Variants in ABHD17C observed in about 807,000 individuals in gnomAD.
ABHD17C encodes the protein abhydrolase domain containing 17C, depalmitoylase.
ABHD17C carries 11 observed loss-of-function variants against 27.9 expected under a neutral mutation model. That is an observed-to-expected ratio of 0.39 (90% CI 0.25 to 0.65). The LOEUF is 0.65. ABHD17C is among the 30% of genes least tolerant of loss of function. ABHD17C has a pLI of 0.45. For synonymous variants in ABHD17C, 233 were observed against 209.1 expected, an observed-to-expected ratio of 1.11 and a Z score of -0.98; for missense variants, 280 against 470.2, an observed-to-expected ratio of 0.60 and a Z score of 3.74.
intron 1 of ABHD17C, among the ~76,000 whole-genome samples, chr15:80,710,638 G>T (rs1894716506): frequency 6.6e-6 from 1 of 152,202 alleles, no homozygotes; most frequent in African/African-American, 2.4e-5. Context: ...GATGCAGAGT[G>T]GTGAAGGGGA....
At chr15:80,739,336 C>G (rs1372521906) in intron 1 of ABHD17C, among the ~76,000 whole-genome samples, 3 of 152,176 alleles carry the variant, frequency 2.0e-5, no homozygotes, top group African/African-American at 7.2e-5. Flanking sequence ...AGCTACTGCC[C>G]TACATGTTGA....
intron 1 of ABHD17C, among the ~76,000 whole-genome samples, chr15:80,729,221 C>T (rs1212952944): frequency 1.3e-5 from 2 of 152,132 alleles, no homozygotes; most frequent in Non-Finnish European, 2.9e-5. Flanking sequence ...AGAACCTAGC[C>T]AGCATGTATG....
rs577427711 is a variant in ABHD17C, at chr15:80,733,738, C to T, written c.591-15775C>T. Among the ~76,000 whole-genome samples the T allele has an allele frequency of 2.0e-5, 3 of 152,282 alleles. No homozygotes were observed. The East Asian group carries it at 5.8e-4, about 29-fold the overall frequency. On this transcript the variant is annotated intron_variant, in intron 1 of 2. Coordinates refer to ENST00000258884, the MANE Select transcript of ABHD17C (RefSeq NM_021214.2). ...CAAACTCACCAACCATCTGTGTCTC[C>T]TCCACTATAGCACTTGTATGAACTC...
intron 1 of ABHD17C, among the ~76,000 whole-genome samples, chr15:80,733,077 A>G (rs866757156): frequency 1.3e-4 from 20 of 152,268 alleles, no homozygotes; most frequent in South Asian, 4.1e-4. Context: ...CCACCTTTCT[A>G]TGGCCGTGGA....
Position 80,695,438 on chromosome 15 carries a change from G to A in ABHD17C, c.9G>A (p.Glu3=). MP[E]PGPRMNGFSL... ...GGCACCAGGCCGTCCCGATGCCCGA[G>A]CCAGGCCCCAGGATGAACGGCTTCT... is the stretch of plus-strand genomic sequence containing the variant. Residue 3 remains glutamate, a synonymous_variant, in exon 1 of 3, where the codon GAG becomes GAA. Coordinates refer to ENST00000258884, the MANE Select transcript of ABHD17C (RefSeq NM_021214.2). The surrounding 1 kb of genome is among the most constrained non-coding windows in gnomAD (Gnocchi z 4.3). 2 of 1,346,392 alleles carry A rather than the reference G, an allele frequency of 1.5e-6. No homozygotes were observed. Among genetic ancestry groups the A allele is most frequent in the East Asian group, 3.9e-5 (1 of 25,322 alleles). The allele number at this position is 1,346,392 out of a possible 1,614,324, so 83.4% of individuals were successfully genotyped here. A position where few individuals can be genotyped will look rare whatever the true frequency, so the allele number is the denominator to read the frequency against.
rs374453584 is a variant in ABHD17C, at chr15:80,746,154, A to G, written c.591-3359A>G. On this transcript the variant is annotated intron_variant, in intron 1 of 2. Coordinates refer to ENST00000258884, the MANE Select transcript of ABHD17C (RefSeq NM_021214.2). ...ATCTGATAAATGTGTAGAGTATCACATGATTATTTTAATTTGCATTTTCCT... is the reference window on the plus strand; with the variant it reads ...ATCTGATAAATGTGTAGAGTATCACGTGATTATTTTAATTTGCATTTTCCT... 1.6e-4 allele frequency among the ~76,000 whole-genome samples: 24 copies of G among 152,318 alleles called. No homozygotes were observed. The East Asian group carries it at 4.4e-3, about 28-fold the overall frequency.
At chr15:80,726,443 T>A (rs1048505680) in intron 1 of ABHD17C, among the ~76,000 whole-genome samples, 1 of 152,124 alleles carries the variant, frequency 6.6e-6, no homozygotes, top group African/African-American at 2.4e-5. Flanking sequence ...GCATCTGTTT[T>A]TTTCCCTCCA....
chr15:80,728,088 G>C (rs76706049), intron 1 of ABHD17C, among the ~76,000 whole-genome samples: 14,491 of 152,216 alleles, frequency 0.095, 903 homozygotes, highest in Middle Eastern at 0.19. Context: ...TTAGTTTCCT[G>C]GTCTGCGTAA....
chr15:80,712,043 C>T (rs1894734960), intron 1 of ABHD17C, among the ~76,000 whole-genome samples: 2 of 152,222 alleles, frequency 1.3e-5, no homozygotes, highest in South Asian at 4.1e-4. Context: ...CATATCTCTT[C>T]CTTGCCAGCA....
chr15:80,699,871 G>A (rs1894547354), intron 1 of ABHD17C, among the ~76,000 whole-genome samples: 1 of 152,186 alleles, frequency 6.6e-6, no homozygotes, highest in Non-Finnish European at 1.5e-5. Context: ...TGAACAATGA[G>A]GAGAGCTCAT....
At chr15:80,705,333 T>TTGTGTGTGTGTGTGTGTGTGTGTGTG (rs1555421862) in intron 1 of ABHD17C, among the ~76,000 whole-genome samples, 5,080 of 106,646 alleles carry the variant, frequency 0.048, 339 homozygotes, top group Middle Eastern at 0.063. Flanking sequence ...TTCCTATGAT[T>TTGTGTGTGTGTGTGTGTGTGTGTGTG]TGTGTGTGTG....
At chr15:80,721,733 G>A (rs1392432481) in intron 1 of ABHD17C, among the ~76,000 whole-genome samples, 1 of 152,142 alleles carries the variant, frequency 6.6e-6, no homozygotes, top group East Asian at 1.9e-4. Flanking sequence ...GCAGCGTAAG[G>A]TGGTATTCCT....
chr15:80,713,923 CACACACACACACACACAT>C (rs1359909869), intron 1 of ABHD17C, among the ~76,000 whole-genome samples: 29 of 150,180 alleles, frequency 1.9e-4, no homozygotes, highest in African/African-American at 6.8e-4. Flanking sequence ...CACACACACA[CACACACACACACACACAT>C]ATATTTATTT....
At chr15:80,753,327 G>A (rs557341574) in intron 2 of ABHD17C, among the ~76,000 whole-genome samples, 1 of 152,312 alleles carries the variant, frequency 6.6e-6, no homozygotes, top group African/African-American at 2.4e-5. Flanking sequence ...CAATTGCAGT[G>A]TGGTATTCTT....
At chr15:80,747,600 C>T (rs1895307830) in intron 1 of ABHD17C, among the ~76,000 whole-genome samples, 1 of 152,156 alleles carries the variant, frequency 6.6e-6, no homozygotes, top group Non-Finnish European at 1.5e-5. Context: ...TTTCCTCAAA[C>T]CTCCCCACCA....
chr15:80,744,082 A>T (rs1381219479), intron 1 of ABHD17C, among the ~76,000 whole-genome samples: 1 of 152,322 alleles, frequency 6.6e-6, no homozygotes, highest in Non-Finnish European at 1.5e-5. Context: ...TGTTTCACAC[A>T]AACTTAATTC....
intron 1 of ABHD17C, among the ~76,000 whole-genome samples, chr15:80,711,911 A>G (rs1026756644): frequency 1.3e-5 from 2 of 152,238 alleles, no homozygotes; most frequent in African/African-American, 2.4e-5. Flanking sequence ...AGTTCTAGGT[A>G]GAATGAAAGA....
Position 80,695,512 on chromosome 15 carries a change from G to T in ABHD17C, c.83G>T (p.Arg28Leu). ...WLFCCPPCPS[R>L]IAAKLAFLPP... ...TTCTGCTGCCCGCCCTGCCCGAGCC[G>T]CATCGCCGCCAAGCTGGCCTTCCTG... is the stretch of plus-strand genomic sequence containing the variant. Residue 28 changes from arginine to leucine, a missense_variant, in exon 1 of 3, where the codon CGC becomes CTC. Arg to Leu is a moderately radical substitution (Grantham distance 102, BLOSUM62 -2). Coordinates refer to ENST00000258884, the MANE Select transcript of ABHD17C (RefSeq NM_021214.2). This position sits in a 1 kb window ranked among gnomAD's most constrained non-coding sequence, Gnocchi z 4.3. 1 of 1,380,784 alleles carries T rather than the reference G, an allele frequency of 7.2e-7. No individual in the cohort carries two copies. The highest frequency in any genetic ancestry group is 9.5e-7 in the Non-Finnish European group (1 of 1,055,620). The allele number at this position is 1,380,784 out of a possible 1,614,324, so 85.5% of individuals were successfully genotyped here.
At position 80,696,000 on chromosome 15, in the gene ABHD17C, T is replaced by A; in HGVS notation, c.571T>A (p.Trp191Arg). The change falls in exon 1 of 3, where the codon TGG (tryptophan) becomes AGG (arginine). Residue 191 changes from tryptophan (W) to arginine (R), a missense_variant. This residue lies in a region of ABHD17C where 206 missense variants were observed against 394.7 expected (regional missense o/e 0.52). Transcript: ENST00000258884. This position sits in a 1 kb window ranked among gnomAD's most constrained non-coding sequence, Gnocchi z 4.3. ...KNLYADIDAA[W>R]QALRTRYGVS... ...CCTCTACGCCGACATCGACGCCGCG[T>A]GGCAGGCGCTGCGCACCCGGTGAGC... The A allele has an allele frequency of 6.3e-7, 1 of 1,576,168 alleles. No individual in the cohort carries two copies. The highest frequency in any genetic ancestry group is 8.6e-7 in the Non-Finnish European group (1 of 1,169,252).
Sources: gnomAD v4.1 joint callset for allele counts (sites outside exome capture counted in the v4.1 genomes callset) on GRCh38, gnomAD v4.1.1 for gene constraint, gnomAD v4.1.1 regional missense constraint, Gnocchi (gnomAD v3.1) non-coding constraint, MANE v1.5 for transcripts, NCBI Gene and HGNC (gene_info 2026-07-23, HGNC 2026-07-21) for gene names.